NCOA5: variants seen among roughly 807,000 people sequenced by gnomAD.
The protein encoded by NCOA5 is NCoA-5.
In NCOA5, 12 loss-of-function variants were observed where a neutral mutation model predicts 59.0. The ratio of observed to expected loss-of-function variants is 0.20; its 90% CI spans 0.13 to 0.33. NCOA5 has a LOEUF of 0.33. Among genes scored for constraint, NCOA5 ranks in the 10% least tolerant of loss-of-function variants. The probability of loss-of-function intolerance (pLI) is 1.00; values close to 1 mark genes in which losing one functional copy is unlikely to be tolerated. For missense variants in NCOA5, 655 were observed against 766.6 expected (o/e 0.85, Z 1.72); for synonymous variants, 270 against 275.5 (o/e 0.98, Z 0.20).
intron 1 of NCOA5, among the ~76,000 whole-genome samples, chr20:46,084,509 AGT>A (rs898964086): frequency 3.3e-5 from 5 of 152,214 alleles, no homozygotes; most frequent in Non-Finnish European, 7.4e-5. Context: ...CTCAAACTAC[AGT>A]GTTTCTGGGG....
chr20:46,070,478 C>G lies in NCOA5; in HGVS notation c.97G>C (p.Gly33Arg), dbSNP rs1205554427. Residue 33 changes from glycine (G) to arginine (R), a missense_variant, in exon 3 of 8, where the codon GGA becomes CGA. This residue lies in a region of NCOA5 where 250 missense variants were observed against 260.1 expected (regional missense o/e 0.96). Coordinates refer to ENST00000290231, the MANE Select transcript of NCOA5 (RefSeq NM_020967.3). ...TCCCTGGGCTCTCTCCTTGGACTTC[C>G]TCGAATTGGGGATCGATCACGCCTT... ...DSRRDRSPIRGSPRREPRDGR... is the reference protein window; with the variant it reads ...DSRRDRSPIRRSPRREPRDGR... 1.2e-6 allele frequency: 2 copies of G among 1,613,972 alleles called. No homozygotes were observed. The highest frequency in any genetic ancestry group is 3.3e-5 in the Admixed American group (2 of 59,992).
chr20:46,063,496 G>A lies in NCOA5; in HGVS notation c.1014C>T (p.His338=), dbSNP rs2084790021. The A allele has an allele frequency of 6.2e-7, 1 of 1,614,094 alleles. No homozygotes were observed. Among genetic ancestry groups the A allele is most frequent in the Non-Finnish European group, 8.5e-7 (1 of 1,180,056 alleles). The change falls in exon 7 of 8, where the codon CAC becomes CAT. Residue 338 remains histidine (H), a synonymous_variant. Transcript: ENST00000290231. ...GGPEEGVRGG[H]PPAIQSLINL... Reference sequence around the variant, plus strand: ...TGATGAGGCTCTGGATGGCTGGAGGGTGGCCCCCACGCACTCCCTCCTCAG... The same window carrying A: ...TGATGAGGCTCTGGATGGCTGGAGGATGGCCCCCACGCACTCCCTCCTCAG...
At chr20:46,068,310 T>A (rs2084845445) in intron 4 of NCOA5, among the ~76,000 whole-genome samples, 192 bp downstream of exon 4, 1 of 152,240 alleles carries the variant, frequency 6.6e-6, no homozygotes, top group African/African-American at 2.4e-5. Flanking sequence ...ATGGTACTAA[T>A]TTGCATCTTA....
At position 46,070,301 on chromosome 20, in the gene NCOA5, C is replaced by T. The variant is rs749937129; in HGVS notation, c.274G>A (p.Asp92Asn). 2 of 1,613,922 alleles carry T rather than the reference C, an allele frequency of 1.2e-6. No homozygotes were observed. The highest frequency in any genetic ancestry group is 8.5e-7 in the Non-Finnish European group (1 of 1,179,958). Residue 92 changes from aspartate to asparagine, a missense_variant, in exon 3 of 8, where the codon GAT becomes AAT. Around this residue, in one of 3 missense-constraint regions of NCOA5, gnomAD observed 250 missense variants for 260.1 expected, o/e 0.96. Coordinates refer to ENST00000290231, the MANE Select transcript of NCOA5 (RefSeq NM_020967.3). Reference sequence around the variant, plus strand: ...CGAAAATCCCTAGAGTCTCTTAGATCACGAAAGTCTCTAAGATCCCTCACG... The same window carrying T: ...CGAAAATCCCTAGAGTCTCTTAGATTACGAAAGTCTCTAAGATCCCTCACG... ...RDVRDLRDFR[D>N]LRDSRDFRDQ...
chr20:46,074,171 G>A (rs1289685630), intron 2 of NCOA5, among the ~76,000 whole-genome samples: 1 of 152,148 alleles, frequency 6.6e-6, no homozygotes, highest in Non-Finnish European at 1.5e-5. Flanking sequence ...GTTGCTTTAG[G>A]ACCCAAACAA....
Position 46,070,213 on chromosome 20 carries a change from T to C in NCOA5, c.362A>G (p.Tyr121Cys). 6.2e-7 allele frequency: 1 copy of C among 1,613,186 alleles called. No homozygotes were observed. Among genetic ancestry groups the C allele is most frequent in the Non-Finnish European group, 8.5e-7 (1 of 1,179,334 alleles). ...RDMRDSRDPM[Y>C]RREGSYDRYL... is the part of the protein sequence containing the mutation. Reference sequence around the variant, plus strand: ...AGCAGAGTAACTACGTATGTACCTGTACATAGGATCTCGGGAGTCTCTCAT... The same window carrying C: ...AGCAGAGTAACTACGTATGTACCTGCACATAGGATCTCGGGAGTCTCTCAT... Residue 121 changes from tyrosine (Y) to cysteine (C), a missense_variant, in exon 3 of 8, where the codon TAC (tyrosine) becomes TGC (cysteine). Tyr to Cys is a radical substitution (Grantham distance 194). Coordinates refer to ENST00000290231, the MANE Select transcript of NCOA5 (RefSeq NM_020967.3).
chr20:46,068,759 C>T (rs912560424), intron 3 of NCOA5, 121 bp from the exon 4 acceptor site: 2 of 893,324 alleles, frequency 2.2e-6, no homozygotes, highest in Non-Finnish European at 1.7e-6. Flanking sequence ...GCATTATCAG[C>T]TCTGTGGCTG....
chr20:46,067,160 C>T lies in NCOA5; in HGVS notation c.524G>A (p.Arg175Gln), dbSNP rs993218276. 7 of 1,613,552 alleles carry T rather than the reference C, an allele frequency of 4.3e-6. No homozygotes were observed. The highest frequency in any genetic ancestry group is 5.9e-6 in the Non-Finnish European group (7 of 1,179,864). Reference protein sequence around the residue: ...RAKERLKREERRREELYRQYF... With the variant: ...RAKERLKREEQRREELYRQYF... Reference sequence around the variant, plus strand: ...TTGACGATAAAGCTCTTCTCTACGCCGTTCCTCACGTTTCAAACGCTCTGC... The same window carrying T: ...TTGACGATAAAGCTCTTCTCTACGCTGTTCCTCACGTTTCAAACGCTCTGC... Residue 175 changes from arginine (R) to glutamine (Q), a missense_variant, in exon 5 of 8, where the codon CGG becomes CAG. This residue lies in a region of NCOA5 where 250 missense variants were observed against 260.1 expected (regional missense o/e 0.96). Coordinates refer to ENST00000290231, the MANE Select transcript of NCOA5 (RefSeq NM_020967.3).
At position 46,062,824 on chromosome 20, in the gene NCOA5, G is replaced by C. The variant is rs368871480; in HGVS notation, c.1216C>G (p.Gln406Glu). 1 of 1,548,344 alleles carries C rather than the reference G, an allele frequency of 6.5e-7. No individual in the cohort carries two copies. ...GASLKTQPSS[Q>E]PLQSGQVLPS... ...AGCACTTGGCCGCTCTGGAGCGGTT[G>C]GGAGCTTGGCTGTGTCTTCAGCGAG... Residue 406 changes from glutamine to glutamate, a missense_variant, in exon 8 of 8, where the codon CAA becomes GAA. Transcript: ENST00000290231.
intron 2 of NCOA5, among the ~76,000 whole-genome samples, chr20:46,070,978 T>C (rs971470954): frequency 3.9e-5 from 6 of 152,140 alleles, no homozygotes; most frequent in Non-Finnish European, 8.8e-5. Context: ...ACTTGAAGTA[T>C]CTTGGCAGGA....
intron 4 of NCOA5, among the ~76,000 whole-genome samples, 200 bp from the exon 5 acceptor site, chr20:46,067,381 G>C (rs1218911141): frequency 6.6e-6 from 1 of 152,106 alleles, no homozygotes; most frequent in African/African-American, 2.4e-5. Context: ...TTTTAATGCT[G>C]CATCTGATAC....
chr20:46,062,715 C>T lies in NCOA5; in HGVS notation c.1325G>A (p.Gly442Asp). 1.2e-6 allele frequency: 2 copies of T among 1,613,934 alleles called. No individual in the cohort carries two copies. The highest frequency in any genetic ancestry group is 1.7e-6 in the Non-Finnish European group (2 of 1,179,866). ...QAKILSLFNS[G>D]TVTANSSSAS... is the part of the protein sequence containing the mutation. ...AGAGCTGCTATTGGCCGTCACTGTGCCACTATTGAAGAGGCTGAGGATTTT... is the reference window on the plus strand; with the variant it reads ...AGAGCTGCTATTGGCCGTCACTGTGTCACTATTGAAGAGGCTGAGGATTTT... Residue 442 changes from glycine to aspartate, a missense_variant, in exon 8 of 8, where the codon GGC (glycine) becomes GAC (aspartate). By Grantham distance (94) the Gly-to-Asp change is moderately conservative. Transcript: ENST00000290231.
intron 1 of NCOA5, among the ~76,000 whole-genome samples, chr20:46,088,516 A>C (rs1267955807): frequency 6.6e-6 from 1 of 152,236 alleles, no homozygotes; most frequent in Non-Finnish European, 1.5e-5. Context: ...GAAAACATTA[A>C]ATTAAGAGTT....
chr20:46,062,553 T>G lies in NCOA5; in HGVS notation c.1487A>C (p.Asn496Thr). The G allele has an allele frequency of 6.2e-7, 1 of 1,614,212 alleles. No homozygotes were observed. Among genetic ancestry groups the G allele is most frequent in the Non-Finnish European group, 8.5e-7 (1 of 1,180,036 alleles). Reference sequence around the variant, plus strand: ...AGGAGCCCCAGGTCTGGGGCCCATGTTCTGAGCAGATCCTCCCTGTCCCAA... The same window carrying G: ...AGGAGCCCCAGGTCTGGGGCCCATGGTCTGAGCAGATCCTCCCTGTCCCAA... ...SILGQGGSAQ[N>T]MGPRPGAPSQ... Residue 496 changes from asparagine (N) to threonine (T), a missense_variant, in exon 8 of 8, where the codon AAC (asparagine) becomes ACC (threonine). By Grantham distance (65) the Asn-to-Thr change is moderately conservative (BLOSUM62 0). Around this residue, in one of 3 missense-constraint regions of NCOA5, gnomAD observed 325 missense variants for 353.2 expected, o/e 0.92. Transcript: ENST00000290231.
chr20:46,065,213 A>G lies in NCOA5; in HGVS notation c.645T>C (p.Ser215=), dbSNP rs576890583. The G allele has an allele frequency of 6.2e-7, 1 of 1,614,204 alleles. No individual in the cohort carries two copies. Among genetic ancestry groups the G allele is most frequent in the East Asian group, 2.2e-5 (1 of 44,890 alleles). The change falls in exon 6 of 8, where the codon TCT becomes TCC. Residue 215 remains serine, a synonymous_variant. Transcript: ENST00000290231. ...CCAGGTCTCGCACCTTCCGCCCCAC[A>G]GACTCAGCATAGTCTCTGTAAAAAT... is the stretch of plus-strand genomic sequence containing the variant. ...VNKQTKDYAE[S]VGRKVRDLGM...
chr20:46,076,882 C>T (rs1600628462), intron 2 of NCOA5, among the ~76,000 whole-genome samples: 1 of 152,166 alleles, frequency 6.6e-6, no homozygotes, highest in South Asian at 2.1e-4. Flanking sequence ...AAAAGGCATA[C>T]AAAGGTGACC....
chr20:46,089,672 G>T (rs1282875589), intron 1 of NCOA5, 145 bp downstream of exon 1: 1 of 151,994 alleles, frequency 6.6e-6, no homozygotes, highest in South Asian at 2.1e-4. Context: ...GCGCAGCACC[G>T]CGCGCACCCG....
chr20:46,083,589 C>T (rs2085015015), intron 1 of NCOA5, among the ~76,000 whole-genome samples: 1 of 152,160 alleles, frequency 6.6e-6, no homozygotes, highest in Non-Finnish European at 1.5e-5. Context: ...GTGACAGTAC[C>T]ACCACTAGCT....
intron 3 of NCOA5, among the ~76,000 whole-genome samples, chr20:46,069,055 G>A (rs989733019): frequency 2.6e-5 from 4 of 151,572 alleles, no homozygotes; most frequent in Non-Finnish European, 4.4e-5. Context: ...AATCCAATCC[G>A]CCCACCTCGG....
Sources: allele counts gnomAD v4.1 joint callset (sites outside exome capture counted in the v4.1 genomes callset), GRCh38; gene constraint gnomAD v4.1.1; regional missense constraint gnomAD v4.1.1; transcripts MANE v1.5; gene names NCBI Gene and HGNC (gene_info 2026-07-23, HGNC 2026-07-21).